The following ZMAT4 variants were observed in gnomAD, a reference collection of about 807,000 sequenced individuals.
The protein encoded by ZMAT4 is zinc finger matrin-type protein 4.
Under a neutral mutation model 28.7 loss-of-function variants are expected in ZMAT4, and 17 were observed. The observed-to-expected ratio is 0.59, with a 90% confidence interval of 0.41 to 0.89. ZMAT4 has a LOEUF of 0.89. Among genes scored for constraint, ZMAT4 ranks in the 40% least tolerant of loss-of-function variants. The pLI, the probability that ZMAT4 is intolerant of heterozygous loss-of-function variation, is 0.00. For missense variants in ZMAT4, 240 were observed against 283.8 expected, an observed-to-expected ratio of 0.85 and a Z score of 1.11; for synonymous variants, 117 against 109.2, an observed-to-expected ratio of 1.07 and a Z score of -0.44.
At chr8:40,640,104 A>G (rs72639657) in intron 5 of ZMAT4, among the ~76,000 whole-genome samples, 1,885 of 152,212 alleles carry the variant, frequency 0.012, 24 homozygotes, top group Non-Finnish European at 0.02. Flanking sequence ...AGCCTCCTGG[A>G]TAGCTTGGAC....
intron 3 of ZMAT4, among the ~76,000 whole-genome samples, chr8:40,716,933 T>A (rs1301989796): frequency 2.0e-5 from 3 of 152,160 alleles, no homozygotes; most frequent in Non-Finnish European, 1.5e-5. Context: ...CCTTTTCTCC[T>A]CCTGTTCCCT....
At chr8:40,686,863 G>A (rs1809432198) in intron 4 of ZMAT4, among the ~76,000 whole-genome samples, 1 of 152,054 alleles carries the variant, frequency 6.6e-6, no homozygotes, top group Non-Finnish European at 1.5e-5. Flanking sequence ...AAGTTACTTT[G>A]CAGGCATCTT....
At chr8:40,676,552 C>G (rs765838197) in intron 4 of ZMAT4, among the ~76,000 whole-genome samples, 1 of 152,004 alleles carries the variant, frequency 6.6e-6, no homozygotes, top group Non-Finnish European at 1.5e-5. Flanking sequence ...TAACCAACAC[C>G]CCAAGCTTTC....
chr8:40,819,007 C>T (rs912912585), intron 2 of ZMAT4, among the ~76,000 whole-genome samples: 1 of 152,156 alleles, frequency 6.6e-6, no homozygotes, highest in African/African-American at 2.4e-5. Context: ...ACACTTACAC[C>T]TGATCTCCAA....
intron 3 of ZMAT4, among the ~76,000 whole-genome samples, chr8:40,718,793 A>G (rs567844581): frequency 6.6e-6 from 1 of 152,242 alleles, no homozygotes; most frequent in Non-Finnish European, 1.5e-5. Context: ...CCTGCTCTAT[A>G]GATAAGAGTT....
chr8:40,700,008 A>G (rs1297643832), intron 3 of ZMAT4, among the ~76,000 whole-genome samples: 1 of 152,244 alleles, frequency 6.6e-6, no homozygotes, highest in Admixed American at 6.5e-5. Context: ...ACTAGTTTCC[A>G]GGACAAAGAG....
chr8:40,551,236 A>G (rs561703354), intron 6 of ZMAT4, among the ~76,000 whole-genome samples: 8 of 152,204 alleles, frequency 5.3e-5, no homozygotes, highest in Non-Finnish European at 1.2e-4. Context: ...TACTGAATAC[A>G]TGGATGAATG....
chr8:40,671,597 T>C (rs1420177093), intron 5 of ZMAT4, among the ~76,000 whole-genome samples: 1 of 152,202 alleles, frequency 6.6e-6, no homozygotes, highest in Non-Finnish European at 1.5e-5. Flanking sequence ...TCCACTTATA[T>C]GGAGTTTTAG....
chr8:40,877,915 AC>A (rs1225440388), intron 1 of ZMAT4, among the ~76,000 whole-genome samples: 1 of 152,200 alleles, frequency 6.6e-6, no homozygotes, highest in Non-Finnish European at 1.5e-5. Context: ...GGGAGAGGGA[AC>A]CCAAGTCCCG....
intron 6 of ZMAT4, among the ~76,000 whole-genome samples, chr8:40,567,501 C>T (rs1427246533): frequency 2.0e-5 from 3 of 151,920 alleles, no homozygotes; most frequent in South Asian, 2.1e-4. Flanking sequence ...GAGGCTCAAG[C>T]GGGCAGGTCA....
chr8:40,571,276 C>T (rs755920298), intron 6 of ZMAT4, among the ~76,000 whole-genome samples: 18 of 144,226 alleles, frequency 1.2e-4, no homozygotes, highest in Non-Finnish European at 1.8e-4. Flanking sequence ...CTAGGTACAG[C>T]CTGTATAGCA....
At chr8:40,872,691 C>A (rs1817905108) in intron 1 of ZMAT4, among the ~76,000 whole-genome samples, 1 of 152,062 alleles carries the variant, frequency 6.6e-6, no homozygotes, top group Non-Finnish European at 1.5e-5. Context: ...AGTAAGCTGT[C>A]TGCAACATTC....
At chr8:40,682,024 A>AACC (rs1481269406) in intron 4 of ZMAT4, among the ~76,000 whole-genome samples, 1 of 152,146 alleles carries the variant, frequency 6.6e-6, no homozygotes, top group Non-Finnish European at 1.5e-5. Flanking sequence ...ATATAACTAT[A>AACC]ACTACTACTA....
At chr8:40,693,632 T>C (rs201192040) in intron 4 of ZMAT4, among the ~76,000 whole-genome samples, 1 of 152,214 alleles carries the variant, frequency 6.6e-6, no homozygotes. Flanking sequence ...ATAGCAAATA[T>C]TTTAGGCTTT....
intron 1 of ZMAT4, among the ~76,000 whole-genome samples, chr8:40,841,859 A>G (rs920718162): frequency 6.6e-6 from 1 of 152,204 alleles, no homozygotes; most frequent in Admixed American, 6.5e-5. Flanking sequence ...ATTGTTAAGA[A>G]GAGTCCAGAG....
At chr8:40,835,781 A>G (rs1036847962) in intron 1 of ZMAT4, among the ~76,000 whole-genome samples, 1 of 152,138 alleles carries the variant, frequency 6.6e-6, no homozygotes, top group Non-Finnish European at 1.5e-5. Context: ...ATTTGAATCC[A>G]TACTCTGAGG....
intron 6 of ZMAT4, among the ~76,000 whole-genome samples, chr8:40,545,115 G>A (rs1259386377): frequency 6.6e-6 from 1 of 152,116 alleles, no homozygotes; most frequent in Non-Finnish European, 1.5e-5. Flanking sequence ...AACAGGAACT[G>A]AGACCCTCAT....
intron 5 of ZMAT4, among the ~76,000 whole-genome samples, chr8:40,606,327 T>C (rs956319846): frequency 6.6e-6 from 1 of 152,218 alleles, no homozygotes; most frequent in Non-Finnish European, 1.5e-5. Context: ...GAGGATTTCT[T>C]TCAAGATTTA....
intron 1 of ZMAT4, among the ~76,000 whole-genome samples, chr8:40,894,295 G>A (rs1235709082): frequency 6.6e-6 from 1 of 152,202 alleles, no homozygotes; most frequent in Non-Finnish European, 1.5e-5. Flanking sequence ...CTTGGGGACA[G>A]GATTACCTCA....
Sources: gnomAD v4.1 joint callset for allele counts (sites outside exome capture counted in the v4.1 genomes callset) on GRCh38, gnomAD v4.1.1 for gene constraint, MANE v1.5 for transcripts, NCBI Gene and HGNC (gene_info 2026-07-23, HGNC 2026-07-21) for gene names.